MAGI1: variants seen among roughly 807,000 people sequenced by gnomAD.
MAGI1 encodes membrane-associated guanylate kinase, WW and PDZ domain-containing protein 1.
A neutral mutation model predicts 139.9 loss-of-function variants in MAGI1; 58 were observed. That is an observed-to-expected ratio of 0.41 (90% confidence interval 0.34 to 0.52). The LOEUF is 0.52. Ranked by LOEUF, MAGI1 falls within the 20% of genes least tolerant of loss-of-function variation. MAGI1 has a pLI of 0.12. For missense variants in MAGI1, 1,874 were observed against 1,901.6 expected, an observed-to-expected ratio of 0.99 and a Z score of 0.27; for synonymous variants, 812 against 737.9, an observed-to-expected ratio of 1.10 and a Z score of -1.63.
At chr3:65,542,792 AAAACC>A (rs1297011966) in intron 2 of MAGI1, among the ~76,000 whole-genome samples, 4 of 152,204 alleles carry the variant, frequency 2.6e-5, no homozygotes, top group African/African-American at 9.6e-5. Flanking sequence ...CTAAAACCAT[AAAACC>A]ATAGAAGAAA....
At chr3:65,986,272 TA>T (rs35971306) in intron 1 of MAGI1, among the ~76,000 whole-genome samples, 2 of 151,620 alleles carry the variant, frequency 1.3e-5, no homozygotes, top group East Asian at 1.9e-4. Context: ...TATTAACTTT[TA>T]AAAAAAAAGA....
At chr3:65,894,492 A>C (rs914945005) in intron 1 of MAGI1, among the ~76,000 whole-genome samples, 1 of 152,262 alleles carries the variant, frequency 6.6e-6, no homozygotes, top group African/African-American at 2.4e-5. Flanking sequence ...AAATTATCAA[A>C]TTTGGAAAGG....
At chr3:65,835,690 T>A (rs565841644) in intron 1 of MAGI1, among the ~76,000 whole-genome samples, 2 of 152,228 alleles carry the variant, frequency 1.3e-5, no homozygotes, top group South Asian at 4.1e-4. Context: ...TATATTTTTG[T>A]AGTGAAAAAC....
At chr3:65,778,525 C>T (rs1255725890) in intron 1 of MAGI1, among the ~76,000 whole-genome samples, 2 of 151,994 alleles carry the variant, frequency 1.3e-5, no homozygotes, top group Non-Finnish European at 2.9e-5. Context: ...ACATTCCAAG[C>T]CCCATATAGT....
At chr3:65,368,168 A>G (rs1472998038) in intron 18 of MAGI1, among the ~76,000 whole-genome samples, 3 of 152,226 alleles carry the variant, frequency 2.0e-5, no homozygotes, top group Non-Finnish European at 4.4e-5. Context: ...GGTGGAAAAA[A>G]TATAAAAGAA....
At chr3:65,803,429 T>C (rs2040643355) in intron 1 of MAGI1, among the ~76,000 whole-genome samples, 3 of 152,222 alleles carry the variant, frequency 2.0e-5, no homozygotes, top group South Asian at 4.1e-4. Flanking sequence ...TAAAATTTCC[T>C]AAAAGGAAAT....
intron 2 of MAGI1, among the ~76,000 whole-genome samples, chr3:65,592,916 G>A (rs1007968494): frequency 1.3e-5 from 2 of 152,014 alleles, no homozygotes; most frequent in African/African-American, 4.8e-5. Context: ...AATTAAGATG[G>A]GTTCTAATAC....
intron 1 of MAGI1, among the ~76,000 whole-genome samples, chr3:65,665,960 T>C (rs1030737250): frequency 6.6e-6 from 1 of 152,236 alleles, no homozygotes; most frequent in Non-Finnish European, 1.5e-5. Context: ...TGCTGTGAAA[T>C]TGTTTGGCTT....
chr3:65,618,652 A>G (rs2083497355), intron 2 of MAGI1, among the ~76,000 whole-genome samples: 2 of 152,120 alleles, frequency 1.3e-5, no homozygotes, highest in African/African-American at 2.4e-5. Context: ...TGAGAGTTAC[A>G]AAGAATTGGT....
At chr3:65,623,197 T>C (rs1576512165) in intron 1 of MAGI1, among the ~76,000 whole-genome samples, 2 of 152,318 alleles carry the variant, frequency 1.3e-5, no homozygotes, top group East Asian at 1.9e-4. Context: ...GACATAGACA[T>C]AGACATCTCC....
Position 65,734,495 on chromosome 3 carries a change from GAA to G in MAGI1, c.314-112409_314-112408del, listed in dbSNP as rs1352947751. ...AAAAGAAAGAAGAGAAAGAAAGAGA[GAA>G]AGAGGAAGAGAGAGAAAGAAAGAGA... On this transcript the variant is annotated intron_variant, in intron 1 of 22. Transcript: ENST00000402939. Among the ~76,000 whole-genome samples, 34 of 150,512 alleles carry G rather than the reference GAA, an allele frequency of 2.3e-4. 1 individual carries two copies. Among genetic ancestry groups the G allele is most frequent in the African/African-American group, 8.1e-4 (33 of 40,950 alleles).
At chr3:65,704,294 A>G (rs1284935144) in intron 1 of MAGI1, among the ~76,000 whole-genome samples, 1 of 152,162 alleles carries the variant, frequency 6.6e-6, no homozygotes, top group Non-Finnish European at 1.5e-5. Context: ...TTTGTTTCCA[A>G]GCTTCAACTC....
At chr3:65,628,331 T>A (rs1237759000) in intron 1 of MAGI1, among the ~76,000 whole-genome samples, 2 of 152,146 alleles carry the variant, frequency 1.3e-5, no homozygotes, top group Non-Finnish European at 2.9e-5. Flanking sequence ...GTTGTACTCA[T>A]GGCTATGGTT....
At chr3:65,430,555 T>C (rs867464964) in intron 11 of MAGI1, 144 bp downstream of exon 11, 4 of 803,418 alleles carry the variant, frequency 5.0e-6, no homozygotes, top group Admixed American at 5.5e-5. Context: ...ACCTGGCTCA[T>C]TCTCAAGGTG....
Position 65,391,336 on chromosome 3 carries a change from CTG to C in MAGI1, c.2220_2221del (p.Asp740GlufsTer4). The C allele has an allele frequency of 6.2e-7, 1 of 1,614,172 alleles. No homozygotes were observed. The highest frequency in any genetic ancestry group is 8.5e-7 in the Non-Finnish European group (1 of 1,180,022). On this transcript the variant is annotated frameshift_variant, in exon 14 of 23. Coordinates refer to ENST00000402939, the MANE Select transcript of MAGI1 (RefSeq NM_001033057.2). LOFTEE classifies it high-confidence loss of function. ...AACACTGTGCTGAGAACTATTCTGG[CTG>C]TCTTTCCTTTCCAGTGGTTGCTGAA...
At chr3:65,992,937 G>A (rs546014606) in intron 1 of MAGI1, among the ~76,000 whole-genome samples, 1 of 152,130 alleles carries the variant, frequency 6.6e-6, no homozygotes, top group South Asian at 2.1e-4. Flanking sequence ...AGATCCTCCC[G>A]CCTCAGCCTC....
At chr3:66,023,495 T>C (rs1165359171) in intron 1 of MAGI1, among the ~76,000 whole-genome samples, 2 of 152,104 alleles carry the variant, frequency 1.3e-5, no homozygotes, top group Non-Finnish European at 2.9e-5. Flanking sequence ...GAACAATCCA[T>C]TATGCAGGCA....
At chr3:65,690,801 A>G (rs1470643185) in intron 1 of MAGI1, among the ~76,000 whole-genome samples, 3 of 118,934 alleles carry the variant, frequency 2.5e-5, no homozygotes, top group Non-Finnish European at 5.0e-5. Context: ...GCCTAGATCT[A>G]CATTTTAACC....
chr3:65,984,377 A>G (rs2065759057), intron 1 of MAGI1, among the ~76,000 whole-genome samples: 1 of 152,154 alleles, frequency 6.6e-6, no homozygotes, highest in African/African-American at 2.4e-5. Context: ...ATCCTCAAAC[A>G]CACCATTTAT....
Sources: gnomAD v4.1 joint callset for allele counts (sites outside exome capture counted in the v4.1 genomes callset) on GRCh38, gnomAD v4.1.1 for gene constraint, MANE v1.5 for transcripts, NCBI Gene and HGNC (gene_info 2026-07-23, HGNC 2026-07-21) for gene names.